Variants in ADAMTS3 observed in about 807,000 individuals in gnomAD.
ADAMTS3 encodes the protein A disintegrin and metalloproteinase with thrombospondin motifs 3.
ADAMTS3 carries 73 observed loss-of-function variants against 129.0 expected under a neutral mutation model. That is an observed-to-expected ratio of 0.57 (90% CI 0.47 to 0.69). ADAMTS3 has a LOEUF of 0.69. Ranked by LOEUF, ADAMTS3 falls within the 30% of genes least tolerant of loss-of-function variation. The probability of loss-of-function intolerance (pLI) is 0.00; values close to 1 mark genes in which losing one functional copy is unlikely to be tolerated. For missense variants in ADAMTS3, 1,457 were observed against 1,514.5 expected (o/e 0.96, Z 0.63); for synonymous variants, 477 against 510.8 (o/e 0.93, Z 0.89).
chr4:72,318,759 C>T lies in ADAMTS3; in HGVS notation c.1353-55G>A, dbSNP rs77389734. The stretch of plus-strand genomic sequence containing the variant: ...AAATGTTCACTTAAAAAAATCATGT[C>T]CTGATTTAAAAAAAAGTAGTCTTAG... On this transcript the variant is annotated intron_variant, in intron 9 of 21. Coordinates refer to ENST00000286657, the MANE Select transcript of ADAMTS3 (RefSeq NM_014243.3). 5.5e-3 allele frequency: 8,501 copies of T among 1,549,894 alleles called. 366 individuals carry two copies. In the African/African-American group the frequency reaches 0.098, roughly 18 times the overall value.
intron 5 of ADAMTS3, among the ~76,000 whole-genome samples, chr4:72,338,926 T>C (rs72862369): frequency 6.6e-6 from 1 of 152,130 alleles, no homozygotes. Flanking sequence ...AAAGATAAAT[T>C]TAAAGAGACC....
At chr4:72,297,975 AT>A (rs1412775507) in intron 18 of ADAMTS3, among the ~76,000 whole-genome samples, 3 of 152,058 alleles carry the variant, frequency 2.0e-5, no homozygotes, top group Non-Finnish European at 2.9e-5. Context: ...AGTACACTGA[AT>A]TTGGGAGAGT....
At chr4:72,292,150 C>G (rs114274802) in intron 19 of ADAMTS3, among the ~76,000 whole-genome samples, 30 of 152,280 alleles carry the variant, frequency 2.0e-4, no homozygotes, top group Middle Eastern at 6.8e-3. Flanking sequence ...GACACACTTA[C>G]GATTTCTTTA....
At chr4:72,460,954 A>G (rs183659420) in intron 3 of ADAMTS3, among the ~76,000 whole-genome samples, 1 of 151,800 alleles carries the variant, frequency 6.6e-6, no homozygotes, top group African/African-American at 2.4e-5. Context: ...TAATATCAAT[A>G]AACCAGAAAG....
At chr4:72,451,018 A>AGAGAAGAGAAGAG (rs1560520122) in intron 3 of ADAMTS3, among the ~76,000 whole-genome samples, 2 of 150,614 alleles carry the variant, frequency 1.3e-5, no homozygotes, top group African/African-American at 2.4e-5. Flanking sequence ...AGAGAAGAGA[A>AGAGAAGAGAAGAG]ATTTGCAACA....
In ADAMTS3 at chr4:72,474,958, C is replaced by A. The variant is rs1488446209; in HGVS notation, c.505-59987G>T. Among the ~76,000 whole-genome samples, 33 of 149,642 alleles carry A rather than the reference C, an allele frequency of 2.2e-4. 1 individual carries two copies. The South Asian group carries it at 7.0e-3, about 32-fold the overall frequency. On this transcript the variant is annotated intron_variant, in intron 3 of 21. Transcript: ENST00000286657. ...AGGAGAATGGCGTGAACCCGGGAGG[C>A]GGAGCTTGCAGTGAGCCGAGATCCC...
chr4:72,440,188 G>T (rs1157442530), intron 3 of ADAMTS3, among the ~76,000 whole-genome samples: 1 of 151,758 alleles, frequency 6.6e-6, no homozygotes, highest in East Asian at 2.0e-4. Context: ...GTGGACAAAT[G>T]AAAGATGAGT....
intron 3 of ADAMTS3, among the ~76,000 whole-genome samples, chr4:72,464,348 C>A (rs186140128): frequency 6.6e-5 from 10 of 152,132 alleles, no homozygotes; most frequent in Admixed American, 1.3e-4. Context: ...CTCTGTTTCT[C>A]TAGCCTAGTG....
intron 3 of ADAMTS3, among the ~76,000 whole-genome samples, chr4:72,526,263 T>A (rs536395212): frequency 1.1e-4 from 16 of 152,268 alleles, no homozygotes; most frequent in Admixed American, 6.5e-4. Flanking sequence ...GCAGCTACTG[T>A]GGATGGAGAT....
At chr4:72,342,706 A>G (rs1311069472) in intron 4 of ADAMTS3, among the ~76,000 whole-genome samples, 2 of 152,096 alleles carry the variant, frequency 1.3e-5, no homozygotes, top group Non-Finnish European at 2.9e-5. Context: ...ACTATTGTGG[A>G]ATCTAAGATT....
chr4:72,400,260 G>A (rs1578647562), intron 4 of ADAMTS3, among the ~76,000 whole-genome samples: 1 of 140,476 alleles, frequency 7.1e-6, no homozygotes, highest in Admixed American at 7.0e-5. Context: ...GTGTATATAC[G>A]TGTGTATATA....
At chr4:72,526,729 CATACATATAT>C (rs1396224898) in intron 3 of ADAMTS3, among the ~76,000 whole-genome samples, 3 of 42,412 alleles carry the variant, frequency 7.1e-5, no homozygotes, top group African/African-American at 2.0e-4. Flanking sequence ...AAAATATATA[CATACATATAT>C]ATATATATAT....
chr4:72,340,404 A>G (rs1168900247), intron 4 of ADAMTS3, among the ~76,000 whole-genome samples: 1 of 151,818 alleles, frequency 6.6e-6, no homozygotes, highest in East Asian at 1.9e-4. Context: ...ATATATGCCA[A>G]TAAAATATAC....
At chr4:72,566,159 C>G (rs1371447517) in intron 2 of ADAMTS3, among the ~76,000 whole-genome samples, 36 of 152,146 alleles carry the variant, frequency 2.4e-4, no homozygotes, top group Admixed American at 2.4e-3. Flanking sequence ...CTGTTCTCCT[C>G]TTGCCGTCGA....
rs922205535 is a variant in ADAMTS3, at chr4:72,283,440, C to T, written c.3314G>A (p.Ser1105Asn). The T allele has an allele frequency of 6.2e-7, 1 of 1,614,054 alleles. No homozygotes were observed. Among genetic ancestry groups the T allele is most frequent in the Non-Finnish European group, 8.5e-7 (1 of 1,179,986 alleles). ...ATTTGGACCTCCCACTGAAGAGATG[C>T]TACTCAAAGACATCTTCTTTGCAGG... Reference protein sequence around the residue: ...ETPAKKMSLSSISSVGGPNAY... With the variant: ...ETPAKKMSLSNISSVGGPNAY... Residue 1105 changes from serine to asparagine, a missense_variant, in exon 22 of 22, where the codon AGC (serine) becomes AAC (asparagine). Ser to Asn is a conservative substitution (Grantham distance 46). Coordinates refer to ENST00000286657, the MANE Select transcript of ADAMTS3 (RefSeq NM_014243.3).
chr4:72,321,747 A>G (rs1183533459), intron 6 of ADAMTS3, among the ~76,000 whole-genome samples: 1 of 152,150 alleles, frequency 6.6e-6, no homozygotes, highest in Non-Finnish European at 1.5e-5. Flanking sequence ...AGAACCATCA[A>G]ATTATATTAA....
intron 3 of ADAMTS3, among the ~76,000 whole-genome samples, chr4:72,444,993 C>T (rs1383873963): frequency 1.3e-5 from 2 of 151,486 alleles, no homozygotes; most frequent in Non-Finnish European, 1.5e-5. Context: ...CTAGTGTAGG[C>T]AAATCCACAG....
At chr4:72,350,567 TC>T (rs1320832245) in intron 4 of ADAMTS3, among the ~76,000 whole-genome samples, 1 of 152,056 alleles carries the variant, frequency 6.6e-6, no homozygotes, top group Non-Finnish European at 1.5e-5. Flanking sequence ...TGAACTTTGT[TC>T]TTGGATGCAG....
chr4:72,368,757 T>C (rs1319586876), intron 4 of ADAMTS3, among the ~76,000 whole-genome samples: 1 of 152,198 alleles, frequency 6.6e-6, no homozygotes, highest in Admixed American at 6.5e-5. Context: ...ACCTTGTAAA[T>C]TATTATGAAA....
Sources: gnomAD v4.1 joint callset for allele counts (sites outside exome capture counted in the v4.1 genomes callset) on GRCh38, gnomAD v4.1.1 for gene constraint, MANE v1.5 for transcripts, NCBI Gene and HGNC (gene_info 2026-07-23, HGNC 2026-07-21) for gene names.